Variants in MGAT4C observed in about 807,000 individuals in gnomAD.
The protein encoded by MGAT4C is alpha-1,3-mannosyl-glycoprotein 4-beta-N-acetylglucosaminyltransferase C.
Under a neutral mutation model 40.1 loss-of-function variants are expected in MGAT4C, and 19 were observed. The observed-to-expected ratio is 0.47, with a 90% CI of 0.33 to 0.70. The LOEUF (loss-of-function observed/expected upper bound fraction) is 0.70. Among genes scored for constraint, MGAT4C ranks in the 30% least tolerant of loss-of-function variants. The pLI is 0.02. For missense variants in MGAT4C, 491 were observed against 563.2 expected, an observed-to-expected ratio of 0.87 and a Z score of 1.30; for synonymous variants, 181 against 187.1, an observed-to-expected ratio of 0.97 and a Z score of 0.27.
intron 1 of MGAT4C, among the ~76,000 whole-genome samples, chr12:86,218,627 T>A (rs1324536122): frequency 6.6e-6 from 1 of 152,184 alleles, no homozygotes; most frequent in East Asian, 1.9e-4. Flanking sequence ...ACCATTTAAC[T>A]GAGTAAGAAT....
chr12:86,650,377 C>T (rs1963662099), intron 2 of MGAT4C, among the ~76,000 whole-genome samples: 1 of 151,758 alleles, frequency 6.6e-6, no homozygotes, highest in African/African-American at 2.4e-5. Context: ...AGAGGAACCC[C>T]ATTATTACAA....
At chr12:86,408,070 G>A (rs571219577) in intron 3 of MGAT4C, among the ~76,000 whole-genome samples, 54 of 151,996 alleles carry the variant, frequency 3.6e-4, no homozygotes, top group African/African-American at 1.3e-3. Flanking sequence ...TCCTGTAATT[G>A]ATGGTATCAA....
chr12:86,664,949 T>C (rs1433294778), intron 2 of MGAT4C, among the ~76,000 whole-genome samples: 3 of 152,182 alleles, frequency 2.0e-5, no homozygotes, highest in African/African-American at 7.2e-5. Flanking sequence ...GGTTATTACA[T>C]CATTTCATGT....
At chr12:86,643,489 A>T (rs1322919334) in intron 2 of MGAT4C, among the ~76,000 whole-genome samples, 3 of 151,886 alleles carry the variant, frequency 2.0e-5, no homozygotes, top group Non-Finnish European at 4.4e-5. Flanking sequence ...ATACCCACTC[A>T]TAGGAGTAAT....
chr12:86,359,256 A>G (rs1955396175), intron 3 of MGAT4C, among the ~76,000 whole-genome samples: 1 of 152,236 alleles, frequency 6.6e-6, no homozygotes, highest in Admixed American at 6.5e-5. Flanking sequence ...GAAGGCAGAT[A>G]TAAACATGTT....
intron 2 of MGAT4C, among the ~76,000 whole-genome samples, chr12:86,688,453 C>T (rs1331498151): frequency 1.3e-5 from 2 of 152,060 alleles, no homozygotes; most frequent in Non-Finnish European, 2.9e-5. Flanking sequence ...ATGGTCTTTA[C>T]AATTTGGTAC....
chr12:86,409,800 T>C lies in MGAT4C; in HGVS notation c.-120+25357A>G, dbSNP rs1173513773. Among the ~76,000 whole-genome samples the C allele has an allele frequency of 3.3e-5, 5 of 152,278 alleles. No homozygotes were observed. In the East Asian group the frequency reaches 7.7e-4, roughly 24 times the overall value. ...CATGATATTGAGTTATCACACAGCCTGGTTATCAGGAGAACCAGCCCCCAA... is the reference window on the plus strand; with the variant it reads ...CATGATATTGAGTTATCACACAGCCCGGTTATCAGGAGAACCAGCCCCCAA... On this transcript the variant is annotated intron_variant, in intron 3 of 7. Transcript: ENST00000548651.
chr12:86,180,542 G>A (rs1012082143), intron 1 of MGAT4C, among the ~76,000 whole-genome samples: 1 of 152,158 alleles, frequency 6.6e-6, no homozygotes, highest in Non-Finnish European at 1.5e-5. Flanking sequence ...AAAGACACAG[G>A]GGCAGAGCTG....
rs556200540 is a variant in MGAT4C, at chr12:86,182,214, A to G, written c.-57+74025T>C. Among the ~76,000 whole-genome samples the G allele has an allele frequency of 1.5e-3, 226 of 152,220 alleles. 1 individual carries two copies. The highest frequency in any genetic ancestry group is 2.6e-3 in the Non-Finnish European group (180 of 67,974). Reference sequence around the variant, plus strand: ...AAGATAGCTTTCATTTTTCTCTTCTATCTTTATTTCACTGGGCTAATCATT... The same window carrying G: ...AAGATAGCTTTCATTTTTCTCTTCTGTCTTTATTTCACTGGGCTAATCATT... On this transcript the variant is annotated intron_variant, in intron 1 of 4. Transcript: ENST00000611864.
intron 1 of MGAT4C, among the ~76,000 whole-genome samples, chr12:86,093,601 G>A (rs1387911019): frequency 6.6e-6 from 1 of 151,898 alleles, no homozygotes; most frequent in Non-Finnish European, 1.5e-5. Flanking sequence ...GGTGGTACTC[G>A]CCTGTAGTCC....
At chr12:86,491,322 G>C (rs1350815730) in intron 2 of MGAT4C, among the ~76,000 whole-genome samples, 1 of 151,990 alleles carries the variant, frequency 6.6e-6, no homozygotes, top group Non-Finnish European at 1.5e-5. Context: ...TGATACTAAA[G>C]CTGGGCAGAG....
chr12:86,067,678 C>T (rs1488540447), intron 1 of MGAT4C, among the ~76,000 whole-genome samples: 2 of 152,046 alleles, frequency 1.3e-5, no homozygotes, highest in Non-Finnish European at 2.9e-5. Flanking sequence ...GCACTTTCTG[C>T]ACATGTACCC....
chr12:86,532,065 T>A, intron 2 of MGAT4C, among the ~76,000 whole-genome samples: 1 of 151,930 alleles, frequency 6.6e-6, no homozygotes, highest in Non-Finnish European at 1.5e-5. Context: ...TAGTCATTTT[T>A]ATAGATTCTT....
intron 1 of MGAT4C, among the ~76,000 whole-genome samples, chr12:86,766,094 C>T (rs528884499): frequency 6.6e-6 from 1 of 152,042 alleles, no homozygotes; most frequent in African/African-American, 2.4e-5. Flanking sequence ...AGAGTCAAAA[C>T]CCATCAGTGT....
chr12:86,237,069 G>GGA (rs1315718018), intron 1 of MGAT4C, among the ~76,000 whole-genome samples: 1 of 150,554 alleles, frequency 6.6e-6, no homozygotes, highest in Non-Finnish European at 1.5e-5. Flanking sequence ...GAAAGGTGGG[G>GGA]GAGAGAGAGA....
At chr12:86,710,382 T>C (rs1310055539) in intron 2 of MGAT4C, among the ~76,000 whole-genome samples, 1 of 152,222 alleles carries the variant, frequency 6.6e-6, no homozygotes, top group Admixed American at 6.5e-5. Flanking sequence ...TTGTCTTACA[T>C]CAGCTTCCAT....
At chr12:86,581,482 C>T (rs1175704125) in intron 2 of MGAT4C, among the ~76,000 whole-genome samples, 1 of 151,304 alleles carries the variant, frequency 6.6e-6, no homozygotes, top group South Asian at 2.1e-4. Context: ...TGAGAGTTAA[C>T]GAACATACAA....
intron 3 of MGAT4C, among the ~76,000 whole-genome samples, chr12:86,361,230 T>A (rs1042403836): frequency 6.6e-6 from 1 of 152,268 alleles, no homozygotes; most frequent in African/African-American, 2.4e-5. Flanking sequence ...AAACAAGAAA[T>A]GGGGAAAGGG....
chr12:86,633,910 C>G (rs957935893), intron 2 of MGAT4C, among the ~76,000 whole-genome samples: 1 of 151,646 alleles, frequency 6.6e-6, no homozygotes, highest in Non-Finnish European at 1.5e-5. Context: ...TTATTTTGCT[C>G]GAGTTTTTTT....
Sources: gnomAD v4.1 joint callset for allele counts (sites outside exome capture counted in the v4.1 genomes callset) on GRCh38, gnomAD v4.1.1 for gene constraint, MANE v1.5 for transcripts, NCBI Gene and HGNC (gene_info 2026-07-23, HGNC 2026-07-21) for gene names.